Variants in DNAJC7 observed in about 807,000 individuals in gnomAD.
The protein encoded by DNAJC7 is dnaJ homolog subfamily C member 7.
DNAJC7 carries 18 observed loss-of-function variants against 67.4 expected under a neutral mutation model. That is an observed-to-expected ratio of 0.27 (90% CI 0.18 to 0.40). The LOEUF (loss-of-function observed/expected upper bound fraction) is 0.40, where lower values mean the gene tolerates loss of function less well. Among genes scored for constraint, DNAJC7 ranks in the 10% least tolerant of loss-of-function variants. DNAJC7 has a pLI of 1.00. For synonymous variants in DNAJC7, 220 were observed against 207.8 expected (o/e 1.06, Z -0.50); for missense variants, 419 against 613.8 (o/e 0.68, Z 3.35).
At chr17:41,976,936 G>A (rs372123254) in intron 13 of DNAJC7, 166 bp from the exon 14 acceptor site, 28 of 775,600 alleles carry the variant, frequency 3.6e-5, no homozygotes, top group East Asian at 2.9e-4. Context: ...GAGGGAGCAC[G>A]TGACTGTATT....
At chr17:42,012,363 G>C (rs1555651141) in intron 1 of DNAJC7, among the ~76,000 whole-genome samples, 1 of 152,180 alleles carries the variant, frequency 6.6e-6, no homozygotes, top group Non-Finnish European at 1.5e-5. Context: ...CACGCCTATA[G>C]TCCCAGCTAC....
At chr17:42,002,057 A>C (rs1346967934) in intron 1 of DNAJC7, among the ~76,000 whole-genome samples, 1 of 152,092 alleles carries the variant, frequency 6.6e-6, no homozygotes, top group Admixed American at 6.6e-5. Context: ...TAAAGAACCA[A>C]CTGAAATCTT....
At chr17:41,997,591 T>G (rs905170932) in intron 2 of DNAJC7, among the ~76,000 whole-genome samples, 30 of 152,274 alleles carry the variant, frequency 2.0e-4, no homozygotes, top group African/African-American at 6.5e-4. Flanking sequence ...AGGAAGACCC[T>G]GTCTCAAAAA....
chr17:41,995,522 C>A (rs2041100570), intron 4 of DNAJC7, among the ~76,000 whole-genome samples: 1 of 152,094 alleles, frequency 6.6e-6, no homozygotes, highest in Non-Finnish European at 1.5e-5. Context: ...TTTTACTGTA[C>A]CTTTTCTGTT....
Position 41,996,315 on chromosome 17 carries a change from T to G in DNAJC7, c.401A>C (p.Gln134Pro). 1 of 1,613,550 alleles carries G rather than the reference T, an allele frequency of 6.2e-7. No homozygotes were observed. Among genetic ancestry groups the G allele is most frequent in the Non-Finnish European group, 8.5e-7 (1 of 1,179,732 alleles). ...ELDHKNAQAQ[Q>P]EFKNANAVME... ...GAAACAGGATCAGACCCGTACCTCTTGTTGTGCCTGAGCATTTTTATGATC... is the reference window on the plus strand; with the variant it reads ...GAAACAGGATCAGACCCGTACCTCTGGTTGTGCCTGAGCATTTTTATGATC... The change falls in exon 4 of 14, where the codon CAA (glutamine) becomes CCA (proline). Residue 134 changes from glutamine to proline, a missense_variant. Gln to Pro is a moderately conservative substitution (Grantham distance 76). This residue lies in a region of DNAJC7 where 179 missense variants were observed against 249.7 expected (regional missense o/e 0.72). Coordinates refer to ENST00000457167, the MANE Select transcript of DNAJC7 (RefSeq NM_003315.4).
chr17:42,011,224 A>C (rs576313257), intron 1 of DNAJC7: 1 of 152,354 alleles, frequency 6.6e-6, no homozygotes, highest in South Asian at 2.1e-4. Context: ...AGAACAAAAA[A>C]GCAAGTGCCC....
chr17:41,988,701 A>T lies in DNAJC7; in HGVS notation c.918+31T>A, dbSNP rs371178553. On this transcript the variant is annotated intron_variant, in intron 8 of 13. Transcript: ENST00000457167. The stretch of plus-strand genomic sequence containing the variant: ...TTTGATGTCCCTTAAAAATATTTCT[A>T]TAGGCCCCAAGATCTAGATCAAGAG... The T allele has an allele frequency of 2.3e-4, 354 of 1,556,426 alleles. 2 individuals are homozygous for T. Among genetic ancestry groups the T allele is most frequent in the Middle Eastern group, 8.5e-4 (5 of 5,866 alleles).
At chr17:42,009,484 C>G (rs2052060956) in intron 1 of DNAJC7, among the ~76,000 whole-genome samples, 2 of 152,184 alleles carry the variant, frequency 1.3e-5, no homozygotes, top group African/African-American at 4.8e-5. Context: ...CAATTCAATC[C>G]CTACAGAAAT....
chr17:41,977,664 G>A (rs1555645213), intron 12 of DNAJC7: 1 of 193,082 alleles, frequency 5.2e-6, no homozygotes, highest in African/African-American at 2.3e-5. Flanking sequence ...TCCCTATAAT[G>A]CTGGAGCGGC....
chr17:41,994,769 G>A, intron 5 of DNAJC7, 101 bp downstream of exon 5: 2 of 942,708 alleles, frequency 2.1e-6, no homozygotes, highest in Non-Finnish European at 3.3e-6. Flanking sequence ...TACTATTCTA[G>A]AGCTTTTGTG....
chr17:41,993,801 C>G, intron 5 of DNAJC7, among the ~76,000 whole-genome samples: 1 of 151,914 alleles, frequency 6.6e-6, no homozygotes, highest in East Asian at 1.9e-4. Context: ...CTTTGGGAGG[C>G]CAAGGCGGGC....
intron 4 of DNAJC7, 101 bp downstream of exon 4, chr17:41,996,210 T>C: frequency 8.8e-7 from 1 of 1,135,850 alleles, no homozygotes; most frequent in South Asian, 1.3e-5. Flanking sequence ...GGTGTGCTGA[T>C]GGCAGAAGTG....
At chr17:41,982,493 T>C (rs1319790949) in intron 10 of DNAJC7, 92 bp from the exon 11 acceptor site, 1 of 1,487,424 alleles carries the variant, frequency 6.7e-7, no homozygotes, top group African/African-American at 1.4e-5. Context: ...TTAGAGGCCT[T>C]GTTAACCATG....
At position 41,982,293 on chromosome 17, in the gene DNAJC7, T is replaced by C; in HGVS notation, c.1193A>G (p.Lys398Arg). Residue 398 changes from lysine (K) to arginine (R), a missense_variant, in exon 11 of 14, where the codon AAG becomes AGG. Transcript: ENST00000457167. ...VDKNASEDEI[K>R]KAYRKRALMH... ...CAAGGCCCGTTTCCGATAAGCTTTCTTGATCTCGTCCTCAGAGGCATTCTT... is the reference window on the plus strand; with the variant it reads ...CAAGGCCCGTTTCCGATAAGCTTTCCTGATCTCGTCCTCAGAGGCATTCTT... 1 of 1,614,048 alleles carries C rather than the reference T, an allele frequency of 6.2e-7. No individual in the cohort carries two copies. The highest frequency in any genetic ancestry group is 8.5e-7 in the Non-Finnish European group (1 of 1,179,908).
At chr17:41,999,085 T>C (rs540246581) in intron 2 of DNAJC7, among the ~76,000 whole-genome samples, 1 of 151,736 alleles carries the variant, frequency 6.6e-6, no homozygotes, top group Non-Finnish European at 1.5e-5. Flanking sequence ...CATTCATGAG[T>C]TTGTTTTTTT....
chr17:41,999,592 C>T (rs2051751742), intron 2 of DNAJC7, among the ~76,000 whole-genome samples: 1 of 152,088 alleles, frequency 6.6e-6, no homozygotes, highest in Non-Finnish European at 1.5e-5. Flanking sequence ...AGGATCTCAG[C>T]TCACTGCAAC....
chr17:42,013,314 C>T (rs1160772023), intron 1 of DNAJC7: 3 of 152,200 alleles, frequency 2.0e-5, no homozygotes, highest in African/African-American at 7.2e-5. Flanking sequence ...AAATCCATCT[C>T]TTTTCTCTAC....
chr17:41,986,224 G>C (rs2051375186), intron 9 of DNAJC7, among the ~76,000 whole-genome samples: 1 of 151,898 alleles, frequency 6.6e-6, no homozygotes, highest in African/African-American at 2.4e-5. Flanking sequence ...AAATTTGCTG[G>C]GTGTGGTGAC....
At chr17:41,982,851 T>C (rs1555646215) in intron 10 of DNAJC7, among the ~76,000 whole-genome samples, 1 of 151,836 alleles carries the variant, frequency 6.6e-6, no homozygotes, top group African/African-American at 2.4e-5. Flanking sequence ...TCCCAGTTAT[T>C]CGGGAGGCTG....
Sources: gnomAD v4.1 joint callset for allele counts (sites outside exome capture counted in the v4.1 genomes callset) on GRCh38, gnomAD v4.1.1 for gene constraint, gnomAD v4.1.1 regional missense constraint, MANE v1.5 for transcripts, NCBI Gene and HGNC (gene_info 2026-07-23, HGNC 2026-07-21) for gene names.